Variants in MACROD2 observed in about 807,000 individuals in gnomAD.
MACROD2 encodes mono-ADP ribosylhydrolase 2.
In MACROD2, 36 loss-of-function variants were observed where a neutral mutation model predicts 70.4. That is an observed-to-expected ratio of 0.51 (90% CI 0.39 to 0.68). The LOEUF is 0.68. Ranked by LOEUF, MACROD2 falls within the 30% of genes least tolerant of loss-of-function variation. MACROD2 has a pLI of 0.00. For synonymous variants in MACROD2, 172 were observed against 178.8 expected (o/e 0.96, Z 0.30); for missense variants, 496 against 538.4 (o/e 0.92, Z 0.78).
chr20:14,423,071 G>A (rs893030588), intron 3 of MACROD2, among the ~76,000 whole-genome samples: 1 of 152,138 alleles, frequency 6.6e-6, no homozygotes, highest in Non-Finnish European at 1.5e-5. Flanking sequence ...CCTCAGGCAG[G>A]TTAGAGCAAA....
At chr20:14,610,966 G>A (rs1430620030) in intron 4 of MACROD2, among the ~76,000 whole-genome samples, 2 of 152,058 alleles carry the variant, frequency 1.3e-5, no homozygotes, top group African/African-American at 2.4e-5. Flanking sequence ...ATTAACAAAC[G>A]TTTTTGGTAA....
chr20:15,187,400 A>G (rs2145909916), intron 5 of MACROD2, among the ~76,000 whole-genome samples: 1 of 152,328 alleles, frequency 6.6e-6, no homozygotes, highest in South Asian at 2.1e-4. Flanking sequence ...GTTTAGATAA[A>G]TCCTTGGCTA....
rs373625953 is a variant in MACROD2, at chr20:15,127,221, C to T, written c.419-102719C>T. Among the ~76,000 whole-genome samples, 3 of 151,986 alleles carry T rather than the reference C, an allele frequency of 2.0e-5. No individual in the cohort carries two copies. The East Asian group carries it at 5.8e-4, about 29-fold the overall frequency. ...CCTAGCCCACCCTTTCATCAGAGTG[C>T]AGTAGAAGTGACTGGTGCAAAATAA... On this transcript the variant is annotated intron_variant, in intron 5 of 17. Coordinates refer to ENST00000684519, the MANE Select transcript of MACROD2 (RefSeq NM_001351661.2).
At chr20:14,978,304 G>T (rs1335085508) in intron 5 of MACROD2, among the ~76,000 whole-genome samples, 1 of 152,070 alleles carries the variant, frequency 6.6e-6, no homozygotes, top group Non-Finnish European at 1.5e-5. Flanking sequence ...GAAAAGACAA[G>T]TACTGTGAAA....
chr20:14,552,522 C>A (rs1478277817), intron 4 of MACROD2, among the ~76,000 whole-genome samples: 1 of 151,702 alleles, frequency 6.6e-6, no homozygotes, highest in Admixed American at 6.6e-5. Context: ...ATTAAAAACA[C>A]TGTCATACAT....
intron 5 of MACROD2, among the ~76,000 whole-genome samples, chr20:14,781,866 T>A (rs1028389716): frequency 3.3e-5 from 5 of 151,934 alleles, no homozygotes; most frequent in Admixed American, 6.6e-5. Context: ...TATCTTTTTT[T>A]AAAAAAATTC....
At chr20:15,571,133 T>A (rs773736282) in intron 8 of MACROD2, among the ~76,000 whole-genome samples, 1 of 152,124 alleles carries the variant, frequency 6.6e-6, no homozygotes, top group Non-Finnish European at 1.5e-5. Context: ...CAATTGTAGG[T>A]CAATACAGAA....
At chr20:15,123,462 G>A (rs1009972509) in intron 5 of MACROD2, among the ~76,000 whole-genome samples, 8 of 152,144 alleles carry the variant, frequency 5.3e-5, no homozygotes, top group Non-Finnish European at 8.8e-5. Context: ...TGCATTGTAA[G>A]TGCACAATAC....
intron 3 of MACROD2, among the ~76,000 whole-genome samples, chr20:14,170,060 A>G (rs540684069): frequency 4.1e-4 from 63 of 152,118 alleles, no homozygotes; most frequent in Admixed American, 2.8e-3. Flanking sequence ...TGCCCAGCTA[A>G]TTTTTGTATT....
chr20:15,881,016 C>CT (rs773744734), intron 9 of MACROD2, among the ~76,000 whole-genome samples: 7 of 152,086 alleles, frequency 4.6e-5, no homozygotes, highest in Admixed American at 2.0e-4. Context: ...ATCAGATAAT[C>CT]TGTTACCTTC....
chr20:15,606,800 CAAG>C (rs1181495448), intron 8 of MACROD2, among the ~76,000 whole-genome samples: 7 of 152,156 alleles, frequency 4.6e-5, no homozygotes, highest in African/African-American at 1.7e-4. Context: ...GTCAGAAGTT[CAAG>C]ACCAGCCTGA....
At chr20:15,083,124 T>G (rs1319797682) in intron 5 of MACROD2, among the ~76,000 whole-genome samples, 3 of 152,200 alleles carry the variant, frequency 2.0e-5, no homozygotes, top group African/African-American at 4.8e-5. Flanking sequence ...GTTCTACCAA[T>G]GGACTTCCTT....
intron 2 of MACROD2, among the ~76,000 whole-genome samples, chr20:14,068,125 C>CGCA (rs1437305072): frequency 6.6e-6 from 1 of 152,204 alleles, no homozygotes; most frequent in East Asian, 1.9e-4. Flanking sequence ...TGATTTTTCT[C>CGCA]TTGAGTGCTC....
intron 4 of MACROD2, among the ~76,000 whole-genome samples, chr20:14,638,737 T>C (rs1984922206): frequency 6.6e-6 from 1 of 151,936 alleles, no homozygotes; most frequent in Admixed American, 6.6e-5. Flanking sequence ...GATCACGAGA[T>C]CAGGAGATCG....
chr20:14,762,319 A>G (rs2072026669), intron 5 of MACROD2, among the ~76,000 whole-genome samples: 1 of 152,082 alleles, frequency 6.6e-6, no homozygotes, highest in African/African-American at 2.4e-5. Flanking sequence ...AGACTTACTC[A>G]GGAGTGGGGT....
intron 5 of MACROD2, among the ~76,000 whole-genome samples, chr20:15,083,022 G>A (rs374149): frequency 0.63 from 96,153 of 151,950 alleles, 30,733 homozygotes; most frequent in East Asian, 0.73. Flanking sequence ...TCTGGGGTGA[G>A]GTCTAGCTCA....
intron 8 of MACROD2, among the ~76,000 whole-genome samples, chr20:15,801,566 G>C (rs2063727092): frequency 6.6e-6 from 1 of 151,986 alleles, no homozygotes; most frequent in Non-Finnish European, 1.5e-5. Flanking sequence ...CTACGCATCT[G>C]TTTTTATACC....
At chr20:14,337,528 C>T (rs1391664699) in intron 3 of MACROD2, 14 of 398,488 alleles carry the variant, frequency 3.5e-5, no homozygotes, top group Non-Finnish European at 5.7e-5. Context: ...ACAAAGCCCA[C>T]GGCAGCTGCA....
chr20:14,826,608 G>A (rs975730233), intron 5 of MACROD2, among the ~76,000 whole-genome samples: 1 of 151,972 alleles, frequency 6.6e-6, no homozygotes, highest in Non-Finnish European at 1.5e-5. Context: ...CACTCAATGC[G>A]TGTCTCTCCA....
Sources: gnomAD v4.1 joint callset for allele counts (sites outside exome capture counted in the v4.1 genomes callset) on GRCh38, gnomAD v4.1.1 for gene constraint, MANE v1.5 for transcripts, NCBI Gene and HGNC (gene_info 2026-07-23, HGNC 2026-07-21) for gene names.